TAF7L: variants seen among roughly 807,000 people sequenced by gnomAD.
TAF7L encodes transcription initiation factor TFIID subunit 7-like.
TAF7L carries 6 observed loss-of-function variants against 30.2 expected under a neutral mutation model. The observed-to-expected ratio is 0.20, with a 90% confidence interval of 0.11 to 0.39. The LOEUF (loss-of-function observed/expected upper bound fraction) is 0.39, where lower values mean the gene tolerates loss of function less well. Among genes scored for constraint, TAF7L ranks in the 10% least tolerant of loss-of-function variants. The pLI is 1.00. For missense variants in TAF7L, 284 were observed against 277.1 expected, an observed-to-expected ratio of 1.03 and a Z score of -0.18; for synonymous variants, 93 against 94.5, an observed-to-expected ratio of 0.98 and a Z score of 0.09.
At chrX:101,292,719 C>A (rs1028918983), upstream of TAF7L, 5 of 1,147,586 alleles carry the variant, frequency 4.4e-6, no homozygotes, top group South Asian at 9.9e-5. Flanking sequence ...AATTTTGAAT[C>A]GAACTAAAAG....
At chrX:101,275,196 G>A (rs371690458) in intron 12 of TAF7L, 26 bp downstream of exon 12, 51 of 1,090,227 alleles carry the variant, frequency 4.7e-5, no homozygotes, top group Non-Finnish European at 6.3e-5. Flanking sequence ...AATGTTTTCT[G>A]GTTAATTTGA....
intron 12 of TAF7L, among the ~76,000 whole-genome samples, chrX:101,272,454 A>G (rs1385744660): frequency 8.9e-6 from 1 of 112,122 alleles, no homozygotes; most frequent in African/African-American, 3.2e-5. Context: ...TCAGTTTTAA[A>G]TGGAAAAAAG....
intron 5 of TAF7L, among the ~76,000 whole-genome samples, 161 bp downstream of exon 5, chrX:101,282,166 G>A (rs5991927): frequency 0.36 from 39,856 of 110,309 alleles, 5,282 homozygotes; most frequent in African/African-American, 0.4. Context: ...GATTACAAGC[G>A]TGAGCCACCG....
chrX:101,286,611 C>A lies in TAF7L; in HGVS notation c.109G>T (p.Val37Phe). 1 of 1,209,814 alleles carries A rather than the reference C, an allele frequency of 8.3e-7. No individual in the cohort carries two copies. The highest frequency in any genetic ancestry group is 1.8e-5 in the South Asian group (1 of 56,707). ...TVRNLARSQS[V>F]KMKDKLKIDL... The stretch of plus-strand genomic sequence containing the variant: ...ATTTTTAGTTTATCCTTCATCTTGA[C>A]ACTTTGAGAACGTGCTAGGTTCCTG... Residue 37 changes from valine to phenylalanine, a missense_variant, in exon 3 of 13, where the codon GTC (valine) becomes TTC (phenylalanine). Physicochemically the swap from Val to Phe is conservative, Grantham distance 50. Transcript: ENST00000356784.
chrX:101,280,222 G>A (rs762497717), intron 6 of TAF7L, among the ~76,000 whole-genome samples: 1 of 111,612 alleles, frequency 9.0e-6, no homozygotes, highest in South Asian at 3.8e-4. Flanking sequence ...ACAAGCTACA[G>A]ACTGGGAGAA....
intron 6 of TAF7L, among the ~76,000 whole-genome samples, chrX:101,281,365 C>T (rs1924402938): frequency 8.9e-6 from 1 of 111,937 alleles, no homozygotes; most frequent in African/African-American, 3.2e-5. Flanking sequence ...ATTCTACAAG[C>T]CTGAAATAAC....
intron 6 of TAF7L, among the ~76,000 whole-genome samples, chrX:101,280,046 T>TA (rs35674743): frequency 0.19 from 16,209 of 87,384 alleles, 1,207 homozygotes; most frequent in East Asian, 0.29. Flanking sequence ...TAAAAAGATG[T>TA]AAAAAAAAAA....
chrX:101,269,269 T>C (rs374702406), intron 12 of TAF7L, 32 bp from the exon 13 acceptor site: 58 of 1,163,690 alleles, frequency 5.0e-5, no homozygotes, highest in Non-Finnish European at 6.2e-5. Flanking sequence ...CATGAAAAAT[T>C]CATTTGAAAT....
At chrX:101,278,217 A>T (rs1209617524) in intron 7 of TAF7L, 96 bp from the exon 8 acceptor site, 2 of 612,668 alleles carry the variant, frequency 3.3e-6, no homozygotes, top group African/African-American at 4.4e-5. Context: ...ACGAATTCAA[A>T]TGTTAGGCCT....
At chrX:101,292,225 C>A (rs1199296636), upstream of TAF7L, among the ~76,000 whole-genome samples, 1 of 77,539 alleles carries the variant, frequency 1.3e-5, no homozygotes, top group Non-Finnish European at 2.3e-5. Context: ...GGCGACAGAG[C>A]GAGACTCCGT....
chrX:101,271,109 C>T (rs1400780136), intron 12 of TAF7L, among the ~76,000 whole-genome samples: 1 of 111,787 alleles, frequency 8.9e-6, no homozygotes, highest in Admixed American at 9.6e-5. Context: ...GAGACTACAT[C>T]ATAAGCATAT....
At position 101,275,224 on chromosome X, in the gene TAF7L, T is replaced by C. The variant is rs1179156226; in HGVS notation, c.1084A>G (p.Lys362Glu). The C allele has an allele frequency of 4.3e-6, 5 of 1,176,342 alleles. No homozygotes were observed. The highest frequency in any genetic ancestry group is 4.6e-6 in the Non-Finnish European group (4 of 872,159). ...TAATTTGAAAACATACTTCTTACCT[T>C]CTCATTTTTTTGTTTTTCCTGTAAC... ...LELQEKQKNE[K>E]LISLQEQLQR... Residue 362 changes from lysine to glutamate, a missense_variant and splice_region_variant, in exon 12 of 13, where the codon AAG becomes GAG. Physicochemically the swap from Lys to Glu is moderately conservative, Grantham distance 56. Transcript: ENST00000356784.
intron 12 of TAF7L, among the ~76,000 whole-genome samples, chrX:101,274,091 A>G (rs6652842): frequency 0.46 from 51,102 of 111,509 alleles, 9,383 homozygotes; most frequent in African/African-American, 0.71. Flanking sequence ...GTTTTGTCCA[A>G]TGTCGTTTTG....
intron 8 of TAF7L, 81 bp downstream of exon 8, chrX:101,277,968 C>T (rs1290314546): frequency 1.1e-5 from 10 of 882,455 alleles, no homozygotes; most frequent in Non-Finnish European, 1.2e-5. Flanking sequence ...GACTGGCACA[C>T]AAACACCAGA....
intron 3 of TAF7L, among the ~76,000 whole-genome samples, chrX:101,284,942 T>C (rs1372856079): frequency 9.0e-6 from 1 of 111,495 alleles, no homozygotes; most frequent in East Asian, 2.8e-4. Context: ...ATCCATGGTG[T>C]CCCAAATGAC....
intron 4 of TAF7L, among the ~76,000 whole-genome samples, chrX:101,282,911 G>T (rs751586915): frequency 1.8e-5 from 2 of 110,292 alleles, no homozygotes; most frequent in African/African-American, 6.6e-5. Context: ...GACTACAGGT[G>T]TGTGCCACCA....
chrX:101,275,939 C>T (rs1924152559), intron 11 of TAF7L, 61 bp downstream of exon 11: 1 of 862,790 alleles, frequency 1.2e-6, no homozygotes, highest in African/African-American at 2.0e-5. Flanking sequence ...TAAGTGGAAA[C>T]ACAAAGGCAA....
intron 9 of TAF7L, 92 bp downstream of exon 9, chrX:101,277,514 T>C (rs1331210126): frequency 7.8e-5 from 33 of 423,228 alleles, no homozygotes; most frequent in Non-Finnish European, 1.2e-4. Context: ...TTTTTTTTTT[T>C]TTGGATTGGC....
chrX:101,292,269 T>TA (rs1569278579), upstream of TAF7L, among the ~76,000 whole-genome samples: 2 of 53,395 alleles, frequency 3.7e-5, no homozygotes, highest in Non-Finnish European at 6.5e-5. Context: ...AAAAAATAAA[T>TA]AAAAATAATA....
Sources: gnomAD v4.1 joint callset for allele counts (sites outside exome capture counted in the v4.1 genomes callset) on GRCh38, gnomAD v4.1.1 for gene constraint, MANE v1.5 for transcripts, NCBI Gene and HGNC (gene_info 2026-07-23, HGNC 2026-07-21) for gene names.